Variants in SLC5A7 observed in about 807,000 individuals in gnomAD.
The protein encoded by SLC5A7 is solute carrier family 5 member 7.
A neutral mutation model predicts 55.4 loss-of-function variants in SLC5A7; 19 were observed. The ratio of observed to expected loss-of-function variants is 0.34; its 90% confidence interval spans 0.24 to 0.50. The LOEUF is 0.50. Among genes scored for constraint, SLC5A7 ranks in the 20% least tolerant of loss-of-function variants. The pLI, the probability that SLC5A7 is intolerant of heterozygous loss-of-function variation, is 0.98. For synonymous variants in SLC5A7, 265 were observed against 263.7 expected (o/e 1.00, Z -0.05); for missense variants, 506 against 705.3 (o/e 0.72, Z 3.20).
chr2:107,998,108 C>T (rs1677745579), intron 5 of SLC5A7, 122 bp downstream of exon 5: 1 of 936,824 alleles, frequency 1.1e-6, no homozygotes, highest in East Asian at 3.0e-5. Flanking sequence ...TACTAAGTCA[C>T]ATACATGAAA....
chr2:107,994,651 C>G (rs1677597391), intron 4 of SLC5A7, among the ~76,000 whole-genome samples: 1 of 152,126 alleles, frequency 6.6e-6, no homozygotes, highest in Non-Finnish European at 1.5e-5. Flanking sequence ...GATAATAATA[C>G]TCCACATCCA....
chr2:108,007,470 G>A (rs977532146), intron 7 of SLC5A7, among the ~76,000 whole-genome samples: 4 of 49,842 alleles, frequency 8.0e-5, no homozygotes, highest in East Asian at 1.0e-3. Flanking sequence ...ATATATGGAC[G>A]TGTGTGTGTC....
rs146871193 is a variant in SLC5A7, at chr2:107,992,107, T to C, written c.180T>C (p.Ala60=). ...CCCTCACTTTTCATTCTGTTTCAGC[T>C]ACCTGGGTCGGAGGAGGGTATATCA... ...GLLVGGFTMT[A]TWVGGGYING... is the part of the protein sequence containing the mutation. The change falls in exon 3 of 9, where the codon GCT becomes GCC. Residue 60 remains alanine (A), a splice_region_variant and synonymous_variant. Coordinates refer to ENST00000264047, the MANE Select transcript of SLC5A7 (RefSeq NM_021815.5). The C allele has an allele frequency of 1.5e-5, 24 of 1,607,480 alleles. No homozygotes were observed. Among genetic ancestry groups the C allele is most frequent in the Non-Finnish European group, 1.6e-5 (19 of 1,174,372 alleles).
intron 4 of SLC5A7, among the ~76,000 whole-genome samples, chr2:107,995,470 A>AGAGAGT (rs1405177003): frequency 5.8e-5 from 8 of 137,166 alleles, no homozygotes; most frequent in African/African-American, 2.2e-4. Context: ...AGAGAGAGAG[A>AGAGAGT]GTGTGTGTGT....
At chr2:108,002,969 T>C (rs1677974020) in intron 6 of SLC5A7, among the ~76,000 whole-genome samples, 1 of 152,236 alleles carries the variant, frequency 6.6e-6, no homozygotes, top group Non-Finnish European at 1.5e-5. Context: ...GACTTTGTGA[T>C]CGTGGCACAT....
chr2:108,004,185 A>G (rs1479168757), intron 6 of SLC5A7, among the ~76,000 whole-genome samples: 1 of 152,186 alleles, frequency 6.6e-6, no homozygotes, highest in African/African-American at 2.4e-5. Context: ...ACTTTACCCT[A>G]CTTAAAAACT....
intron 7 of SLC5A7, 31 bp from the exon 8 acceptor site, chr2:108,008,434 G>C: frequency 1.3e-6 from 2 of 1,573,426 alleles, no homozygotes; most frequent in African/African-American, 1.4e-5. Flanking sequence ...GTTCCTTGGT[G>C]GTTATAATGG....
chr2:108,004,249 C>A (rs576676949), intron 6 of SLC5A7, among the ~76,000 whole-genome samples: 2 of 152,094 alleles, frequency 1.3e-5, no homozygotes, highest in African/African-American at 4.8e-5. Flanking sequence ...ATGTATCAAT[C>A]CATTCAAGTC....
At chr2:108,000,515 A>G (rs1041804218) in intron 5 of SLC5A7, among the ~76,000 whole-genome samples, 3 of 152,098 alleles carry the variant, frequency 2.0e-5, no homozygotes, top group Non-Finnish European at 4.4e-5. Flanking sequence ...CCAGGCTGAT[A>G]TTGAACTCCT....
chr2:107,992,822 T>G, intron 3 of SLC5A7, 150 bp from the exon 4 acceptor site: 1 of 665,484 alleles, frequency 1.5e-6, no homozygotes, highest in Non-Finnish European at 2.5e-6. Flanking sequence ...AAACCTAATA[T>G]TTATAGTAGG....
chr2:107,996,206 C>T (rs145768965), intron 4 of SLC5A7, among the ~76,000 whole-genome samples: 3 of 152,148 alleles, frequency 2.0e-5, no homozygotes, highest in African/African-American at 4.8e-5. Flanking sequence ...AGTAAAGTTT[C>T]GATTCGAAGT....
At chr2:107,987,468 A>G (rs1357169006) in intron 1 of SLC5A7, among the ~76,000 whole-genome samples, 2 of 152,208 alleles carry the variant, frequency 1.3e-5, no homozygotes, top group Non-Finnish European at 2.9e-5. Context: ...CCTTTCAACA[A>G]CAAAAAACAT....
intron 6 of SLC5A7, among the ~76,000 whole-genome samples, chr2:108,005,485 G>T (rs1474551335): frequency 6.6e-6 from 1 of 152,206 alleles, no homozygotes; most frequent in Non-Finnish European, 1.5e-5. Flanking sequence ...TTAATGAAAA[G>T]AAATAATTGC....
intron 5 of SLC5A7, among the ~76,000 whole-genome samples, chr2:108,001,235 A>G (rs1677882156): frequency 6.6e-6 from 1 of 151,684 alleles, no homozygotes. Flanking sequence ...GTGTAGATAG[A>G]CAGTCAGAGA....
At chr2:108,004,927 A>C (rs1678045919) in intron 6 of SLC5A7, among the ~76,000 whole-genome samples, 1 of 152,196 alleles carries the variant, frequency 6.6e-6, no homozygotes, top group Non-Finnish European at 1.5e-5. Context: ...TTATCATTTT[A>C]ATTCCCATAC....
At chr2:108,003,827 G>A (rs1273636225) in intron 6 of SLC5A7, among the ~76,000 whole-genome samples, 1 of 152,326 alleles carries the variant, frequency 6.6e-6, no homozygotes. Flanking sequence ...CATAGACTGG[G>A]TGATGTACAA....
Position 108,010,939 on chromosome 2 carries a change from C to A in SLC5A7, c.*78C>A. 3.0e-6 allele frequency: 4 copies of A among 1,333,774 alleles called. No individual in the cohort carries two copies. Among genetic ancestry groups the A allele is most frequent in the East Asian group, 5.0e-5 (2 of 40,186 alleles). 82.6% of individuals were successfully genotyped at this position (1,333,774 alleles called of 1,614,324 possible). On this transcript the variant is annotated 3_prime_UTR_variant, in exon 9 of 9. Transcript: ENST00000264047. ...TTCTGGAGAGATGGTATGCAGCATA[C>A]AAAAATATATTAAAAATATAAACAA...
At chr2:107,990,218 A>G (rs541859991) in intron 2 of SLC5A7, among the ~76,000 whole-genome samples, 1 of 152,354 alleles carries the variant, frequency 6.6e-6, no homozygotes, top group East Asian at 1.9e-4. Context: ...AGAAGAGACT[A>G]AATTCAATTA....
At chr2:107,993,199 C>T (rs1042443144) in intron 4 of SLC5A7, 72 bp downstream of exon 4, 9 of 1,553,138 alleles carry the variant, frequency 5.8e-6, no homozygotes, top group African/African-American at 1.4e-5. Flanking sequence ...CCTTACTTTC[C>T]TCAGCCTTGG....
Sources: allele counts gnomAD v4.1 joint callset (sites outside exome capture counted in the v4.1 genomes callset), GRCh38; gene constraint gnomAD v4.1.1; transcripts MANE v1.5; gene names NCBI Gene and HGNC (gene_info 2026-07-23, HGNC 2026-07-21).